Variants in LYPD6B observed in about 807,000 individuals in gnomAD.
LYPD6B encodes LY6/PLAUR domain containing 6B, also known as ly6/PLAUR domain-containing protein 6B.
Under a neutral mutation model 22.8 loss-of-function variants are expected in LYPD6B, and 17 were observed. The observed-to-expected ratio is 0.75, with a 90% CI of 0.51 to 1.12. LYPD6B has a LOEUF of 1.12. LYPD6B is among the 50% of genes most tolerant of loss of function. The pLI is 0.00. For synonymous variants in LYPD6B, 106 were observed against 91.6 expected (o/e 1.16, Z -0.90); for missense variants, 221 against 258.3 (o/e 0.86, Z 0.99).
chr2:149,143,407 C>T (rs1244341799), intron 2 of LYPD6B, among the ~76,000 whole-genome samples: 1 of 150,474 alleles, frequency 6.6e-6, no homozygotes, highest in Non-Finnish European at 1.5e-5. Flanking sequence ...TCTTCTTGGT[C>T]TTCCTATGCT....
At chr2:149,212,943 T>C (rs751988651) in intron 5 of LYPD6B, 49 bp from the exon 6 acceptor site, 8 of 1,585,058 alleles carry the variant, frequency 5.0e-6, no homozygotes, top group Non-Finnish European at 8.6e-7. Flanking sequence ...AATATGGATA[T>C]TGAAATTACC....
intron 5 of LYPD6B, 98 bp from the exon 6 acceptor site, chr2:149,212,894 G>T: frequency 1.6e-6 from 2 of 1,238,348 alleles, no homozygotes; most frequent in South Asian, 1.5e-5. Context: ...GCCTGAATTT[G>T]AGTCCTTTCT....
chr2:149,083,116 A>AG lies in LYPD6B; in HGVS notation c.-67+44321dup, dbSNP rs375177646. On this transcript the variant is annotated intron_variant, in intron 1 of 6. Transcript: ENST00000409642. ...CCCTTGAATGGGAATAAAATGTCAC[A>AG]GGGGGGCATACCTGCAGAGCAGTTT... 1.4e-3 allele frequency among the ~76,000 whole-genome samples: 217 copies of AG among 152,288 alleles called. 2 individuals are homozygous for AG. The South Asian group carries it at 0.015, about 10-fold the overall frequency.
intron 1 of LYPD6B, among the ~76,000 whole-genome samples, chr2:149,053,967 G>A (rs1236219682): frequency 1.3e-5 from 2 of 152,156 alleles, no homozygotes; most frequent in African/African-American, 4.8e-5. Flanking sequence ...ATATTCCGTT[G>A]TACGAATACA....
At chr2:149,167,491 G>T (rs1385034826) in intron 3 of LYPD6B, among the ~76,000 whole-genome samples, 1 of 152,086 alleles carries the variant, frequency 6.6e-6, no homozygotes, top group Non-Finnish European at 1.5e-5. Context: ...CTTTTTTGGG[G>T]CACTAGTGGT....
chr2:149,214,835 G>T lies in LYPD6B; in HGVS notation c.*125G>T. 9.9e-7 allele frequency: 1 copy of T among 1,005,414 alleles called. No homozygotes were observed. The highest frequency in any genetic ancestry group is 1.5e-6 in the Non-Finnish European group (1 of 656,684). 62.3% of individuals were successfully genotyped at this position (1,005,414 alleles called of 1,614,324 possible). A position where few individuals can be genotyped will look rare whatever the true frequency, so the allele number is the denominator to read the frequency against. On this transcript the variant is annotated 3_prime_UTR_variant, in exon 7 of 7. Coordinates refer to ENST00000409642, the MANE Select transcript of LYPD6B (RefSeq NM_177964.5). ...TGAAGAGTGCACATTGGACCTCAAG[G>T]CGAAAGCCAGTGGTTTGCTTGGATA...
chr2:149,099,157 C>G (rs1686069049), intron 1 of LYPD6B, among the ~76,000 whole-genome samples: 2 of 152,162 alleles, frequency 1.3e-5, no homozygotes, highest in African/African-American at 4.8e-5. Context: ...TGTCTTAAAT[C>G]TGTTTCTTCA....
At position 149,214,948 on chromosome 2, in the gene LYPD6B, A is replaced by C; in HGVS notation, c.*238A>C. ...TCTGACTTCCAGGCTTCCTGGTCAAAGAGAGCTACGTTTGGGCAGTTCTGC... is the reference window on the plus strand; with the variant it reads ...TCTGACTTCCAGGCTTCCTGGTCAACGAGAGCTACGTTTGGGCAGTTCTGC... On this transcript the variant is annotated 3_prime_UTR_variant, in exon 7 of 7. Transcript: ENST00000409642. 2 of 542,184 alleles carry C rather than the reference A, an allele frequency of 3.7e-6. No homozygotes were observed. The highest frequency in any genetic ancestry group is 4.6e-5 in the South Asian group (2 of 43,470). The allele number at this position is 542,184 out of a possible 1,614,324, so 33.6% of individuals were successfully genotyped here.
At position 149,130,962 on chromosome 2, in the gene LYPD6B, T is replaced by G. The variant is rs1339012958; in HGVS notation, c.5+9T>G. The G allele has an allele frequency of 6.3e-7, 1 of 1,592,696 alleles. No homozygotes were observed. On this transcript the variant is annotated intron_variant, in intron 2 of 6. Transcript: ENST00000409642. ...TTAATCACATGGATGTTGTGAGTAT[T>G]ATATTCACAAGTGGATGTAGAGAAG... is the stretch of plus-strand genomic sequence containing the variant.
intron 2 of LYPD6B, among the ~76,000 whole-genome samples, chr2:149,156,643 G>A (rs1689720716): frequency 6.6e-6 from 1 of 151,974 alleles, no homozygotes; most frequent in African/African-American, 2.4e-5. Flanking sequence ...CTTCTTATAA[G>A]GTCACCAGTC....
intron 2 of LYPD6B, among the ~76,000 whole-genome samples, chr2:149,153,380 G>A (rs1689492199): frequency 6.6e-6 from 1 of 152,120 alleles, no homozygotes; most frequent in South Asian, 2.1e-4. Flanking sequence ...GTTTTATTTG[G>A]TTCAATGCCA....
At chr2:149,057,658 A>G (rs900999700) in intron 1 of LYPD6B, among the ~76,000 whole-genome samples, 1 of 152,196 alleles carries the variant, frequency 6.6e-6, no homozygotes, top group African/African-American at 2.4e-5. Flanking sequence ...TTCAAAACCA[A>G]ACACAAATAC....
chr2:149,192,361 G>A (rs72983274), intron 3 of LYPD6B, among the ~76,000 whole-genome samples: 3,516 of 151,786 alleles, frequency 0.023, 121 homozygotes, highest in African/African-American at 0.08. Flanking sequence ...GCAAAGAAGC[G>A]GCTTCTAATA....
chr2:149,192,112 G>C (rs1301272238), intron 3 of LYPD6B, among the ~76,000 whole-genome samples: 1 of 152,150 alleles, frequency 6.6e-6, no homozygotes, highest in Non-Finnish European at 1.5e-5. Flanking sequence ...GCTCCAGGCA[G>C]ATCACAGGTC....
chr2:149,092,458 C>T (rs1405910830), intron 1 of LYPD6B, among the ~76,000 whole-genome samples: 4 of 152,044 alleles, frequency 2.6e-5, no homozygotes, highest in Non-Finnish European at 5.9e-5. Flanking sequence ...CTGGAAGTAG[C>T]CCAAGGAGTA....
intron 1 of LYPD6B, among the ~76,000 whole-genome samples, chr2:149,073,894 G>T (rs1042194962): frequency 8.6e-5 from 13 of 151,978 alleles, no homozygotes; most frequent in African/African-American, 3.1e-4. Flanking sequence ...AGGGCGTGGA[G>T]ACCCAGACCA....
intron 3 of LYPD6B, among the ~76,000 whole-genome samples, chr2:149,172,732 G>A (rs1288269922): frequency 6.6e-6 from 1 of 152,080 alleles, no homozygotes; most frequent in East Asian, 1.9e-4. Context: ...GGTGGGTACT[G>A]TCCAATCCAT....
At chr2:149,107,712 T>G (rs1190280867) in intron 1 of LYPD6B, among the ~76,000 whole-genome samples, 1 of 152,238 alleles carries the variant, frequency 6.6e-6, no homozygotes, top group East Asian at 1.9e-4. Context: ...CTGGTTTAAC[T>G]CTATTATATT....
At chr2:149,062,502 C>T (rs976668455) in intron 1 of LYPD6B, among the ~76,000 whole-genome samples, 1 of 152,144 alleles carries the variant, frequency 6.6e-6, no homozygotes, top group Admixed American at 6.5e-5. Context: ...GAACCTCTCT[C>T]AGGCATTCCT....
Sources: gnomAD v4.1 joint callset for allele counts (sites outside exome capture counted in the v4.1 genomes callset) on GRCh38, gnomAD v4.1.1 for gene constraint, MANE v1.5 for transcripts, NCBI Gene and HGNC (gene_info 2026-07-23, HGNC 2026-07-21) for gene names.